Variants in SNAP25 observed in about 807,000 individuals in gnomAD.
SNAP25 encodes synaptosome associated protein 25, also known as synaptosomal-associated protein 25.
Under a neutral mutation model 28.7 loss-of-function variants are expected in SNAP25, and 3 were observed. That is an observed-to-expected ratio of 0.10 (90% CI 0.05 to 0.27). The LOEUF (loss-of-function observed/expected upper bound fraction) is 0.27, where lower values mean the gene tolerates loss of function less well. SNAP25 is among the 10% of genes least tolerant of loss of function. SNAP25 has a pLI of 1.00. For missense variants in SNAP25, 117 were observed against 278.7 expected, an observed-to-expected ratio of 0.42 and a Z score of 4.13; for synonymous variants, 61 against 88.1, an observed-to-expected ratio of 0.69 and a Z score of 1.72.
chr20:10,256,768 AAGAGG>A (rs2063325512), intron 1 of SNAP25, among the ~76,000 whole-genome samples: 1 of 152,198 alleles, frequency 6.6e-6, no homozygotes, highest in African/African-American at 2.4e-5. Context: ...CTGGGGAAGG[AAGAGG>A]AGAGAGGAAA....
intron 1 of SNAP25, among the ~76,000 whole-genome samples, chr20:10,238,938 A>T (rs2062973466): frequency 7.6e-6 from 1 of 130,866 alleles, no homozygotes; most frequent in East Asian, 2.1e-4. Context: ...ATATCAATAA[A>T]GCATCAATGC....
At chr20:10,263,404 A>G (rs995984442) in intron 1 of SNAP25, among the ~76,000 whole-genome samples, 2 of 152,094 alleles carry the variant, frequency 1.3e-5, no homozygotes, top group African/African-American at 4.8e-5. Flanking sequence ...CTGAGCAGAT[A>G]CCCAATAACA....
At chr20:10,240,403 T>C (rs922915795) in intron 1 of SNAP25, among the ~76,000 whole-genome samples, 1 of 152,264 alleles carries the variant, frequency 6.6e-6, no homozygotes, top group Middle Eastern at 3.4e-3. Context: ...ACACGCAGGA[T>C]CCATTTACGT....
chr20:10,292,898 C>T lies in SNAP25; in HGVS notation c.164-263C>T, dbSNP rs773131746. 2.4e-5 allele frequency: 38 copies of T among 1,605,850 alleles called. No individual in the cohort carries two copies. Among genetic ancestry groups the T allele is most frequent in the Admixed American group, 1.0e-4 (6 of 57,610 alleles). ...CCTAACCAGAACAACTCGATCGTGT[C>T]GAAGAAGGCATGAACCATATCAACC... On this transcript the variant is annotated intron_variant, in intron 4 of 7. Transcript: ENST00000254976.
intron 1 of SNAP25, among the ~76,000 whole-genome samples, chr20:10,259,890 A>G (rs1466286964): frequency 6.6e-6 from 1 of 152,066 alleles, no homozygotes; most frequent in African/African-American, 2.4e-5. Flanking sequence ...CTATACATAC[A>G]CCTCGGCTTC....
intron 2 of SNAP25, among the ~76,000 whole-genome samples, chr20:10,277,291 T>C (rs2063707837): frequency 6.6e-6 from 1 of 152,220 alleles, no homozygotes; most frequent in Non-Finnish European, 1.5e-5. Flanking sequence ...TCTCGATTCA[T>C]GAAAAATTAT....
intron 7 of SNAP25, among the ~76,000 whole-genome samples, chr20:10,300,221 T>C (rs2064202096): frequency 6.6e-6 from 1 of 151,950 alleles, no homozygotes; most frequent in African/African-American, 2.4e-5. Context: ...TTAGAAGAGA[T>C]TGGAAAGAAA....
At chr20:10,268,589 A>G (rs2063543478) in intron 1 of SNAP25, among the ~76,000 whole-genome samples, 1 of 151,364 alleles carries the variant, frequency 6.6e-6, no homozygotes, top group African/African-American at 2.4e-5. Context: ...CTCTATCCAC[A>G]CTCACCTCTC....
At chr20:10,292,512 T>A (rs919909264) in intron 4 of SNAP25, among the ~76,000 whole-genome samples, 15 of 152,192 alleles carry the variant, frequency 9.9e-5, no homozygotes, top group African/African-American at 3.4e-4. Flanking sequence ...TTGAAGCAGA[T>A]CCTTTCCTTA....
chr20:10,230,712 G>A (rs1232379677), intron 1 of SNAP25, among the ~76,000 whole-genome samples: 1 of 152,156 alleles, frequency 6.6e-6, no homozygotes, highest in African/African-American at 2.4e-5. Flanking sequence ...AGCCTGTTGA[G>A]GATGAGGTGT....
intron 1 of SNAP25, among the ~76,000 whole-genome samples, chr20:10,245,973 A>G (rs1467511118): frequency 6.6e-6 from 1 of 152,212 alleles, no homozygotes; most frequent in Non-Finnish European, 1.5e-5. Flanking sequence ...ACCTTTACCG[A>G]AGTCTGAGAC....
intron 4 of SNAP25, among the ~76,000 whole-genome samples, chr20:10,291,251 T>C (rs1427170767): frequency 6.6e-6 from 1 of 152,084 alleles, no homozygotes; most frequent in Non-Finnish European, 1.5e-5. Flanking sequence ...TTTTTTTGTA[T>C]TTTTAGTAGA....
intron 1 of SNAP25, among the ~76,000 whole-genome samples, chr20:10,246,416 G>A (rs963751491): frequency 6.6e-6 from 1 of 152,216 alleles, no homozygotes; most frequent in Non-Finnish European, 1.5e-5. Context: ...TATCAATGAA[G>A]ACAGAATGAT....
intron 1 of SNAP25, among the ~76,000 whole-genome samples, chr20:10,228,765 G>A (rs1040286848): frequency 2.8e-4 from 43 of 152,272 alleles, no homozygotes; most frequent in African/African-American, 9.9e-4. Flanking sequence ...GGAAGGGACT[G>A]TTGTTATGTT....
chr20:10,256,979 A>G (rs936584447), intron 1 of SNAP25, among the ~76,000 whole-genome samples: 1 of 152,274 alleles, frequency 6.6e-6, no homozygotes, highest in African/African-American at 2.4e-5. Context: ...ATTTATGTAT[A>G]TGCAGGCATA....
intron 1 of SNAP25, among the ~76,000 whole-genome samples, chr20:10,258,494 A>G (rs1011153486): frequency 6.6e-6 from 1 of 152,206 alleles, no homozygotes; most frequent in Non-Finnish European, 1.5e-5. Context: ...TCCAGCAACA[A>G]CATCTTAGCG....
chr20:10,223,472 A>G (rs1037863363), intron 1 of SNAP25, among the ~76,000 whole-genome samples: 3 of 152,210 alleles, frequency 2.0e-5, no homozygotes, highest in Non-Finnish European at 4.4e-5. Context: ...CTGGCAGTAG[A>G]GACACCACAG....
intron 7 of SNAP25, among the ~76,000 whole-genome samples, chr20:10,305,140 C>T (rs2064325075): frequency 6.6e-6 from 1 of 152,120 alleles, no homozygotes; most frequent in African/African-American, 2.4e-5. Context: ...CCATTCATGA[C>T]ATGCCTAATT....
At chr20:10,282,371 G>A (rs2063797220) in intron 3 of SNAP25, among the ~76,000 whole-genome samples, 1 of 152,174 alleles carries the variant, frequency 6.6e-6, no homozygotes, top group Admixed American at 6.5e-5. Flanking sequence ...AGGGTCTCGT[G>A]ACTGGTTGCT....
Sources: allele counts gnomAD v4.1 joint callset (sites outside exome capture counted in the v4.1 genomes callset), GRCh38; gene constraint gnomAD v4.1.1; transcripts MANE v1.5; gene names NCBI Gene and HGNC (gene_info 2026-07-23, HGNC 2026-07-21).